GPA33: variants seen among roughly 807,000 people sequenced by gnomAD.
The protein encoded by GPA33 is glycoprotein A33.
In GPA33, 27 loss-of-function variants were observed where a neutral mutation model predicts 35.6. The ratio of observed to expected loss-of-function variants is 0.76; its 90% CI spans 0.56 to 1.04. The LOEUF is 1.04. Among genes scored for constraint, GPA33 ranks in the 50% least tolerant of loss-of-function variants. GPA33 has a pLI of 0.00. For missense variants in GPA33, 428 were observed against 411.9 expected, an observed-to-expected ratio of 1.04 and a Z score of -0.34; for synonymous variants, 176 against 164.0, an observed-to-expected ratio of 1.07 and a Z score of -0.56.
intron 4 of GPA33, among the ~76,000 whole-genome samples, chr1:167,060,205 T>A (rs970840048): frequency 2.0e-5 from 3 of 152,208 alleles, no homozygotes; most frequent in Non-Finnish European, 2.9e-5. Context: ...CCCAAGTAGC[T>A]GGGACTACAG....
At chr1:167,069,209 C>A in intron 2 of GPA33, 71 bp from the exon 3 acceptor site, 1 of 1,003,986 alleles carries the variant, frequency 1.0e-6, no homozygotes. Flanking sequence ...CCTGCCCTGA[C>A]TACCCTCATC....
At chr1:167,055,645 C>T in intron 5 of GPA33, 85 bp downstream of exon 5, 2 of 1,481,592 alleles carry the variant, frequency 1.3e-6, no homozygotes, top group Non-Finnish European at 1.9e-6. Context: ...CCTATTCCTC[C>T]TCACGGTGGT....
chr1:167,073,063 GA>G (rs930805274), intron 2 of GPA33, among the ~76,000 whole-genome samples: 5 of 151,062 alleles, frequency 3.3e-5, no homozygotes, highest in African/African-American at 4.9e-5. Context: ...ATCCAAACAG[GA>G]AAAAAAACCC....
At chr1:167,078,860 G>T (rs1259519425) in intron 1 of GPA33, 2 of 152,226 alleles carry the variant, frequency 1.3e-5, no homozygotes, top group Admixed American at 1.3e-4. Context: ...GGCCGTGTGA[G>T]AATTAAGTGA....
At position 167,054,876 on chromosome 1, in the gene GPA33, C is replaced by T. The variant is rs557173489; in HGVS notation, c.827+100G>A. 1.4e-5 allele frequency: 19 copies of T among 1,374,428 alleles called. No homozygotes were observed. In the African/African-American group the frequency reaches 1.4e-4, roughly 10 times the overall value. The allele number at this position is 1,374,428 out of a possible 1,614,324, so 85.1% of individuals were successfully genotyped here. ...ATCAGCACAAAATGGGGGTGATATA[C>T]CCCAAGGGGTGCTGCAAGTAGAAGA... On this transcript the variant is annotated intron_variant, in intron 6 of 6. Transcript: ENST00000367868.
intron 1 of GPA33, among the ~76,000 whole-genome samples, chr1:167,081,610 G>A (rs529149074): frequency 1.2e-4 from 18 of 152,172 alleles, no homozygotes. Flanking sequence ...TTAGTGCAAG[G>A]CACCAGAAAA....
intron 1 of GPA33, among the ~76,000 whole-genome samples, chr1:167,087,262 CT>C (rs11321901): frequency 0.39 from 58,950 of 151,770 alleles, 12,026 homozygotes; most frequent in East Asian, 0.72. Flanking sequence ...TTTTCTGTAA[CT>C]TACATTCCCC....
chr1:167,078,708 G>A (rs903059804), intron 1 of GPA33: 2 of 152,216 alleles, frequency 1.3e-5, no homozygotes, highest in East Asian at 1.9e-4. Context: ...ATTTCAGGAG[G>A]CAGCATGGCA....
chr1:167,059,180 C>T (rs1355237137), intron 4 of GPA33, among the ~76,000 whole-genome samples: 1 of 152,206 alleles, frequency 6.6e-6, no homozygotes, highest in East Asian at 1.9e-4. Flanking sequence ...ACCGTGTGCA[C>T]TGGAAGCTGC....
chr1:167,064,595 A>G (rs1176043162), intron 3 of GPA33, among the ~76,000 whole-genome samples: 1 of 152,182 alleles, frequency 6.6e-6, no homozygotes. Flanking sequence ...CAGACTACAT[A>G]TTGTCTTTGT....
intron 2 of GPA33, among the ~76,000 whole-genome samples, chr1:167,071,029 A>G (rs1309461436): frequency 1.3e-5 from 2 of 152,162 alleles, no homozygotes; most frequent in Admixed American, 1.3e-4. Flanking sequence ...AGTAAGAGCC[A>G]GACAGGTCAG....
In GPA33 at chr1:167,055,070, C is replaced by T. The variant is rs767074475; in HGVS notation, c.733G>A (p.Val245Met). The T allele has an allele frequency of 2.9e-5, 47 of 1,613,618 alleles. No homozygotes were observed. The highest frequency in any genetic ancestry group is 4.5e-5 in the East Asian group (2 of 44,880). The part of the protein sequence containing the change: ...VALYVGIAVG[V>M]VAALIIIGII... ...CCAATGATAATGAGGGCTGCAACCA[C>T]GCCCACCGCGATGCCCACATACAGG... is the stretch of plus-strand genomic sequence containing the variant. Residue 245 changes from valine (V) to methionine (M), a missense_variant, in exon 6 of 7, where the codon GTG (valine) becomes ATG (methionine). Val to Met is a conservative substitution (Grantham distance 21, BLOSUM62 1). Transcript: ENST00000367868.
chr1:167,080,447 A>C (rs78464612), intron 1 of GPA33, among the ~76,000 whole-genome samples: 213 of 152,258 alleles, frequency 1.4e-3, no homozygotes, highest in African/African-American at 5.0e-3. Flanking sequence ...CCTTTGTGTC[A>C]CCTACTACCC....
chr1:167,084,829 G>T (rs1280893491), intron 1 of GPA33, among the ~76,000 whole-genome samples: 1 of 152,192 alleles, frequency 6.6e-6, no homozygotes, highest in African/African-American at 2.4e-5. Flanking sequence ...GAAAATAAAT[G>T]ATTATTATTG....
chr1:167,069,531 C>G (rs1666674187), intron 2 of GPA33, among the ~76,000 whole-genome samples: 1 of 152,200 alleles, frequency 6.6e-6, no homozygotes, highest in East Asian at 1.9e-4. Flanking sequence ...ATGTACCAGG[C>G]ATGATGCTGG....
At chr1:167,056,084 T>C (rs186583799) in intron 4 of GPA33, among the ~76,000 whole-genome samples, 90 of 152,316 alleles carry the variant, frequency 5.9e-4, no homozygotes, top group Non-Finnish European at 1.1e-3. Context: ...CTGCCACTTA[T>C]TAATTTGTCT....
At position 167,068,970 on chromosome 1, in the gene GPA33, A is replaced by G; in HGVS notation, c.367T>C (p.Ser123Pro). The change falls in exon 3 of 7, where the codon TCA becomes CCA. Residue 123 changes from serine (S) to proline (P), a missense_variant. By Grantham distance (74) the Ser-to-Pro change is moderately conservative. Coordinates refer to ENST00000367868, the MANE Select transcript of GPA33 (RefSeq NM_005814.3). ...GACTTGGTGTTGCCCTCCAGGTCTG[A>G]CATCAGCGAGACAGAACACTCGTAG... Reference protein sequence around the residue: ...GTYECSVSLMSDLEGNTKSRV... With the variant: ...GTYECSVSLMPDLEGNTKSRV... 6.2e-7 allele frequency: 1 copy of G among 1,613,858 alleles called. No homozygotes were observed. Among genetic ancestry groups the G allele is most frequent in the Non-Finnish European group, 8.5e-7 (1 of 1,180,036 alleles).
chr1:167,089,710 A>T (rs1667118926), intron 1 of GPA33, among the ~76,000 whole-genome samples: 3 of 152,228 alleles, frequency 2.0e-5, no homozygotes, highest in Admixed American at 2.0e-4. Context: ...AGGGTCCCAG[A>T]AGTGGCAAGG....
Position 167,055,055 on chromosome 1 carries a change from T to C in GPA33, c.748A>G (p.Ile250Val), listed in dbSNP as rs146541901. Reference protein sequence around the residue: ...GIAVGVVAALIIIGIIIYCCC... With the variant: ...GIAVGVVAALVIIGIIIYCCC... ...CAGTAGATGATGATGCCAATGATAA[T>C]GAGGGCTGCAACCACGCCCACCGCG... is the stretch of plus-strand genomic sequence containing the variant. Residue 250 changes from isoleucine to valine, a missense_variant, in exon 6 of 7, where the codon ATT becomes GTT. Physicochemically the swap from Ile to Val is conservative, Grantham distance 29. Coordinates refer to ENST00000367868, the MANE Select transcript of GPA33 (RefSeq NM_005814.3). 32 of 1,613,680 alleles carry C rather than the reference T, an allele frequency of 2.0e-5. No individual in the cohort carries two copies. The African/African-American group carries it at 2.7e-4, about 13-fold the overall frequency.
Sources: gnomAD v4.1 joint callset for allele counts (sites outside exome capture counted in the v4.1 genomes callset) on GRCh38, gnomAD v4.1.1 for gene constraint, MANE v1.5 for transcripts, NCBI Gene and HGNC (gene_info 2026-07-23, HGNC 2026-07-21) for gene names.